The following PCNX1 variants were observed in gnomAD, a reference collection of about 807,000 sequenced individuals.
PCNX1 encodes pecanex 1.
Under a neutral mutation model 242.2 loss-of-function variants are expected in PCNX1, and 78 were observed. That is an observed-to-expected ratio of 0.32 (90% confidence interval 0.27 to 0.39). PCNX1 has a LOEUF of 0.39. Among genes scored for constraint, PCNX1 ranks in the 10% least tolerant of loss-of-function variants. The pLI is 1.00. For synonymous variants in PCNX1, 1,024 were observed against 1,032.9 expected, an observed-to-expected ratio of 0.99 and a Z score of 0.17; for missense variants, 2,581 against 2,856.5, an observed-to-expected ratio of 0.90 and a Z score of 2.20.
At chr14:70,917,413 A>C (rs747159604) in intron 1 of PCNX1, among the ~76,000 whole-genome samples, 1 of 152,192 alleles carries the variant, frequency 6.6e-6, no homozygotes, top group Non-Finnish European at 1.5e-5. Flanking sequence ...TCCTTGATCC[A>C]TGGGGCTGGA....
chr14:70,978,605 G>C lies in PCNX1; in HGVS notation c.2268G>C (p.Gln756His). ...GATCTAGGAATAGCTTGCCAAACCAGGTTGCATTTCCTGAAGGGGAAGAGC... is the reference window on the plus strand; with the variant it reads ...GATCTAGGAATAGCTTGCCAAACCACGTTGCATTTCCTGAAGGGGAAGAGC... ...VTRSRNSLPN[Q>H]VAFPEGEEQD... Residue 756 changes from glutamine (Q) to histidine (H), a missense_variant, in exon 6 of 36, where the codon CAG becomes CAC. Physicochemically the swap from Gln to His is conservative, Grantham distance 24. Coordinates refer to ENST00000304743, the MANE Select transcript of PCNX1 (RefSeq NM_014982.3). The C allele has an allele frequency of 6.2e-7, 1 of 1,613,816 alleles. No homozygotes were observed. The highest frequency in any genetic ancestry group is 8.5e-7 in the Non-Finnish European group (1 of 1,179,848).
intron 1 of PCNX1, among the ~76,000 whole-genome samples, chr14:70,941,838 C>T (rs1237961073): frequency 6.6e-6 from 1 of 152,182 alleles, no homozygotes; most frequent in South Asian, 2.1e-4. Context: ...TGGCGGACGC[C>T]CCTCCCCCAG....
intron 2 of PCNX1, among the ~76,000 whole-genome samples, chr14:70,950,498 A>G (rs1397018369): frequency 6.6e-6 from 1 of 152,136 alleles, no homozygotes; most frequent in East Asian, 1.9e-4. Flanking sequence ...ATAGTTTTTC[A>G]GAGGTGGAAT....
chr14:71,060,782 T>G (rs1197016234), intron 26 of PCNX1: 1 of 152,176 alleles, frequency 6.6e-6, no homozygotes, highest in Admixed American at 6.6e-5. Flanking sequence ...ATGGAGAAAC[T>G]ACTGAAGACC....
At position 71,098,553 on chromosome 14, in the gene PCNX1, T is replaced by TGTGTGAGAGAGAGA. The variant is rs60367565; in HGVS notation, c.5590-3436_5590-3435insTGTGAGAGAGAGAG. The stretch of plus-strand genomic sequence containing the variant: ...GTGTGTGTGTGTGTGTGTGTGTGTG[T>TGTGTGAGAGAGAGA]GAGAGAGAGAGAGAGAACATTGTAG... On this transcript the variant is annotated intron_variant, in intron 30 of 35. Coordinates refer to ENST00000304743, the MANE Select transcript of PCNX1 (RefSeq NM_014982.3). Among the ~76,000 whole-genome samples, 359 of 125,718 alleles carry TGTGTGAGAGAGAGA rather than the reference T, an allele frequency of 2.9e-3. 2 individuals are homozygous for TGTGTGAGAGAGAGA. The highest frequency in any genetic ancestry group is 4.4e-3 in the South Asian group (17 of 3,838). The allele number at this position is 125,718 out of a possible 152,430, so 82.5% of individuals were successfully genotyped here.
chr14:71,098,553 T>TGTGTGTGTGTGTGTGA (rs60367565), intron 30 of PCNX1, among the ~76,000 whole-genome samples: 7 of 125,668 alleles, frequency 5.6e-5, no homozygotes, highest in African/African-American at 1.3e-4. Flanking sequence ...TGTGTGTGTG[T>TGTGTGTGTGTGTGTGA]GAGAGAGAGA....
At chr14:70,989,670 C>T (rs1402384315) in intron 7 of PCNX1, among the ~76,000 whole-genome samples, 1 of 151,164 alleles carries the variant, frequency 6.6e-6, no homozygotes, top group Non-Finnish European at 1.5e-5. Context: ...GCTGGGATTA[C>T]AGGTGCATAC....
rs1435471343 is a variant in PCNX1 at position 71,108,651 on chromosome 14, T to G, written c.6349T>G (p.Ser2117Ala). Residue 2117 changes from serine (S) to alanine (A), a missense_variant, in exon 34 of 36, where the codon TCT (serine) becomes GCT (alanine). Physicochemically the swap from Ser to Ala is moderately conservative, Grantham distance 99. Transcript: ENST00000304743. ...TGTGCAGTCGGGCCTGGTCAGACAG[T>G]CTCCTGCCCGGGCCTCAGTAGCCAG... is the stretch of plus-strand genomic sequence containing the variant. ...HSVQSGLVRQSPARASVASQS... is the reference protein window; with the variant it reads ...HSVQSGLVRQAPARASVASQS... The G allele has an allele frequency of 6.2e-7, 1 of 1,614,144 alleles. No homozygotes were observed. Among genetic ancestry groups the G allele is most frequent in the South Asian group, 1.1e-5 (1 of 91,076 alleles).
chr14:71,076,162 C>CTTTTTT, intron 27 of PCNX1, 27 bp from the exon 28 acceptor site: 6 of 1,167,460 alleles, frequency 5.1e-6, no homozygotes, highest in African/African-American at 3.1e-5. Flanking sequence ...AATCTGAATT[C>CTTTTTT]TTTTTTTTTT....
rs371433454 is a variant in PCNX1, at chr14:70,978,076, A to G, written c.1739A>G (p.Tyr580Cys). 73 of 1,614,008 alleles carry G rather than the reference A, an allele frequency of 4.5e-5. 1 individual carries two copies. Among genetic ancestry groups the G allele is most frequent in the East Asian group, 1.3e-4 (6 of 44,876 alleles). Reference sequence around the variant, plus strand: ...TTTGATTCAAGCCGGCATAGGGACTATGTTTGCTTTCGAGGTGTTTCTGGT... The same window carrying G: ...TTTGATTCAAGCCGGCATAGGGACTGTGTTTGCTTTCGAGGTGTTTCTGGT... ...SSFDSSRHRD[Y>C]VCFRGVSGTK... The change falls in exon 6 of 36, where the codon TAT becomes TGT. Residue 580 changes from tyrosine (Y) to cysteine (C), a missense_variant. Physicochemically the swap from Tyr to Cys is radical, Grantham distance 194. Coordinates refer to ENST00000304743, the MANE Select transcript of PCNX1 (RefSeq NM_014982.3).
chr14:71,040,343 G>A (rs370504884), intron 19 of PCNX1, among the ~76,000 whole-genome samples: 7 of 152,028 alleles, frequency 4.6e-5, no homozygotes, highest in African/African-American at 1.7e-4. Flanking sequence ...TGAATTTATT[G>A]CTATGTAGAT....
At chr14:71,029,863 T>G (rs1025424134) in intron 16 of PCNX1, among the ~76,000 whole-genome samples, 2 of 152,190 alleles carry the variant, frequency 1.3e-5, no homozygotes, top group Non-Finnish European at 2.9e-5. Flanking sequence ...GATCATTTAG[T>G]TTTAATTTCT....
chr14:71,075,406 T>C (rs372437859), intron 27 of PCNX1, among the ~76,000 whole-genome samples: 2 of 152,324 alleles, frequency 1.3e-5, no homozygotes, highest in East Asian at 1.9e-4. Flanking sequence ...AAGCTAGAGA[T>C]TGATTTCACA....
At chr14:71,024,367 T>G (rs917413111) in intron 13 of PCNX1, among the ~76,000 whole-genome samples, 1 of 152,198 alleles carries the variant, frequency 6.6e-6, no homozygotes. Context: ...TGATTATGTT[T>G]AGTCTCTTAA....
chr14:71,050,156 ATTTTTTTTCT>A (rs952888728), intron 22 of PCNX1, among the ~76,000 whole-genome samples: 3 of 151,086 alleles, frequency 2.0e-5, no homozygotes, highest in African/African-American at 7.3e-5. Context: ...AGACATCTTG[ATTTTTTTTCT>A]TTTTTTTTAT....
At chr14:70,996,055 T>G in intron 8 of PCNX1, 130 bp downstream of exon 8, 1 of 661,854 alleles carries the variant, frequency 1.5e-6, no homozygotes, top group Non-Finnish European at 2.6e-6. Context: ...TACATAGGAT[T>G]TACCCTATGT....
chr14:70,940,094 C>G (rs911261996), intron 1 of PCNX1, among the ~76,000 whole-genome samples: 1 of 152,104 alleles, frequency 6.6e-6, no homozygotes, highest in Non-Finnish European at 1.5e-5. Flanking sequence ...ATTTGCCAGT[C>G]TGTGTCTTTT....
At chr14:71,035,483 TGTG>T (rs2060503001) in intron 18 of PCNX1, among the ~76,000 whole-genome samples, 1 of 152,232 alleles carries the variant, frequency 6.6e-6, no homozygotes, top group Non-Finnish European at 1.5e-5. Context: ...TGTGGCCAGG[TGTG>T]GTGGCTCACA....
At chr14:70,942,056 A>G (rs2057271647) in intron 1 of PCNX1, among the ~76,000 whole-genome samples, 1 of 152,128 alleles carries the variant, frequency 6.6e-6, no homozygotes, top group South Asian at 2.1e-4. Context: ...AGGAAAGGGA[A>G]TTCTCCAACC....
Sources: allele counts gnomAD v4.1 joint callset (sites outside exome capture counted in the v4.1 genomes callset), GRCh38; gene constraint gnomAD v4.1.1; transcripts MANE v1.5; gene names NCBI Gene and HGNC (gene_info 2026-07-23, HGNC 2026-07-21).